Variants in KLHL6 observed in about 807,000 individuals in gnomAD.
KLHL6 encodes the protein kelch-like protein 6.
A neutral mutation model predicts 58.6 loss-of-function variants in KLHL6; 41 were observed. The ratio of observed to expected loss-of-function variants is 0.70; its 90% CI spans 0.55 to 0.91. The LOEUF (loss-of-function observed/expected upper bound fraction) is 0.91, where lower values mean the gene tolerates loss of function less well. Ranked by LOEUF, KLHL6 falls within the 40% of genes least tolerant of loss-of-function variation. KLHL6 has a pLI of 0.00. For missense variants in KLHL6, 714 were observed against 805.6 expected, an observed-to-expected ratio of 0.89 and a Z score of 1.38; for synonymous variants, 338 against 322.7, an observed-to-expected ratio of 1.05 and a Z score of -0.51.
chr3:183,537,344 T>C (rs1364256898), intron 1 of KLHL6, among the ~76,000 whole-genome samples: 1 of 152,196 alleles, frequency 6.6e-6, no homozygotes, highest in East Asian at 1.9e-4. Flanking sequence ...CAGCGCTCAA[T>C]GGACCAGCCC....
chr3:183,526,067 G>A (rs1012617341), intron 2 of KLHL6, among the ~76,000 whole-genome samples: 5 of 152,194 alleles, frequency 3.3e-5, no homozygotes, highest in Non-Finnish European at 7.3e-5. Context: ...CAGCACTTTG[G>A]GAGGCCGAGG....
chr3:183,540,557 T>TTTTG (rs1241378458), intron 1 of KLHL6, among the ~76,000 whole-genome samples: 8 of 152,064 alleles, frequency 5.3e-5, no homozygotes, highest in African/African-American at 1.4e-4. Flanking sequence ...CCAGGCCCGT[T>TTTTG]TTTGTTTGTT....
intron 2 of KLHL6, among the ~76,000 whole-genome samples, chr3:183,519,747 A>T (rs1225782070): frequency 1.3e-5 from 2 of 149,642 alleles, no homozygotes; most frequent in African/African-American, 2.5e-5. Context: ...ATAATAATAA[A>T]AAGCCGGGCA....
At chr3:183,517,931 GT>G (rs1711617407) in intron 2 of KLHL6, among the ~76,000 whole-genome samples, 1 of 152,220 alleles carries the variant, frequency 6.6e-6, no homozygotes, top group Non-Finnish European at 1.5e-5. Context: ...CAGAAGACAA[GT>G]GCTGAGAAGC....
At chr3:183,518,046 T>A (rs1364176080) in intron 2 of KLHL6, among the ~76,000 whole-genome samples, 1 of 152,172 alleles carries the variant, frequency 6.6e-6, no homozygotes, top group Non-Finnish European at 1.5e-5. Context: ...TTTCTCCCAA[T>A]CCTACTGCCA....
intron 2 of KLHL6, chr3:183,522,750 T>TGTC (rs1711810443): frequency 6.6e-6 from 1 of 152,228 alleles, no homozygotes; most frequent in Non-Finnish European, 1.5e-5. Context: ...GGCTTCTTAG[T>TGTC]GTCGCCTGGA....
chr3:183,545,815 G>C (rs761138006), intron 1 of KLHL6, among the ~76,000 whole-genome samples: 25 of 152,290 alleles, frequency 1.6e-4, no homozygotes, highest in Non-Finnish European at 2.8e-4. Flanking sequence ...TTTTGGAACT[G>C]TTCCTTCCCA....
chr3:183,512,626 G>A (rs1718220057), intron 2 of KLHL6, among the ~76,000 whole-genome samples: 1 of 151,754 alleles, frequency 6.6e-6, no homozygotes, highest in South Asian at 2.1e-4. Flanking sequence ...CAAGTAGCTG[G>A]GATTACAAAC....
intron 3 of KLHL6, among the ~76,000 whole-genome samples, chr3:183,504,697 C>T (rs547132894): frequency 6.6e-6 from 1 of 152,020 alleles, no homozygotes; most frequent in Non-Finnish European, 1.5e-5. Context: ...TTTTAAAGTG[C>T]TATTTATTTT....
intron 1 of KLHL6, among the ~76,000 whole-genome samples, chr3:183,548,197 GT>G (rs1712791197): frequency 6.6e-6 from 1 of 152,192 alleles, no homozygotes; most frequent in African/African-American, 2.4e-5. Context: ...GGACCTCACT[GT>G]GGCTAGAACC....
At chr3:183,552,102 G>A (rs1577207465) in intron 1 of KLHL6, 1 of 123,468 alleles carries the variant, frequency 8.1e-6, no homozygotes, top group Admixed American at 7.2e-5. Flanking sequence ...GTGATGCCGT[G>A]GGGGAACGCA....
intron 1 of KLHL6, among the ~76,000 whole-genome samples, chr3:183,539,142 C>A (rs1345282905): frequency 3.9e-5 from 6 of 152,196 alleles, no homozygotes; most frequent in Non-Finnish European, 8.8e-5. Context: ...ACCCCTACTT[C>A]CTCCTGAGAA....
intron 2 of KLHL6, among the ~76,000 whole-genome samples, chr3:183,517,553 A>G (rs1711606530): frequency 6.6e-6 from 1 of 152,200 alleles, no homozygotes; most frequent in Non-Finnish European, 1.5e-5. Context: ...TAAGACCTGC[A>G]AAAGACCTGC....
At chr3:183,498,591 C>T (rs533533543) in intron 4 of KLHL6, among the ~76,000 whole-genome samples, 19 of 152,334 alleles carry the variant, frequency 1.2e-4, no homozygotes, top group African/African-American at 4.6e-4. Context: ...ACCTTAAAAA[C>T]ACCTACCTTG....
intron 1 of KLHL6, chr3:183,548,888 C>T (rs527834563): frequency 1.3e-5 from 2 of 151,960 alleles, no homozygotes; most frequent in Admixed American, 6.5e-5. Flanking sequence ...AGCAAACTAA[C>T]ACAGCAACAG....
chr3:183,531,250 G>A (rs934776543), intron 1 of KLHL6, among the ~76,000 whole-genome samples: 24 of 151,996 alleles, frequency 1.6e-4, no homozygotes, highest in Non-Finnish European at 3.5e-4. Flanking sequence ...GGAGTCGGGG[G>A]AGGGGTTGTT....
chr3:183,515,003 T>G (rs1213357322), intron 2 of KLHL6, among the ~76,000 whole-genome samples: 1 of 152,210 alleles, frequency 6.6e-6, no homozygotes, highest in African/African-American at 2.4e-5. Context: ...TTATTACATC[T>G]GGGATCAATG....
At chr3:183,530,034 C>T (rs1460457123) in intron 1 of KLHL6, among the ~76,000 whole-genome samples, 2 of 152,110 alleles carry the variant, frequency 1.3e-5, no homozygotes, top group Admixed American at 1.3e-4. Flanking sequence ...CCCACCCATG[C>T]TAGCACTCCA....
At chr3:183,525,944 G>T (rs1458717258) in intron 2 of KLHL6, among the ~76,000 whole-genome samples, 1 of 152,234 alleles carries the variant, frequency 6.6e-6, no homozygotes, top group Admixed American at 6.5e-5. Flanking sequence ...ACTGCAAACA[G>T]GCAGTGTCAC....
Sources: gnomAD v4.1 joint callset for allele counts (sites outside exome capture counted in the v4.1 genomes callset) on GRCh38, gnomAD v4.1.1 for gene constraint, MANE v1.5 for transcripts, NCBI Gene and HGNC (gene_info 2026-07-23, HGNC 2026-07-21) for gene names.